The following CSMD1 variants were observed in gnomAD, a reference collection of about 807,000 sequenced individuals.
The protein encoded by CSMD1 is CUB and Sushi multiple domains 1.
CSMD1 carries 213 observed loss-of-function variants against 417.5 expected under a neutral mutation model. The observed-to-expected ratio is 0.51, with a 90% CI of 0.46 to 0.57. The LOEUF (loss-of-function observed/expected upper bound fraction) is 0.57. Ranked by LOEUF, CSMD1 falls within the 20% of genes least tolerant of loss-of-function variation. The pLI, the probability that CSMD1 is intolerant of heterozygous loss-of-function variation, is 0.00. For synonymous variants in CSMD1, 2,862 were observed against 1,736.8 expected (o/e 1.65, Z -16.11); for missense variants, 6,923 against 4,529.7 (o/e 1.53, Z -15.17).
intron 49 of CSMD1, among the ~76,000 whole-genome samples, chr8:3,072,654 C>A (rs886488499): frequency 2.0e-5 from 3 of 152,028 alleles, no homozygotes; most frequent in Admixed American, 6.6e-5. Context: ...TAATAGTATC[C>A]CAATTTTAAT....
intron 31 of CSMD1, among the ~76,000 whole-genome samples, chr8:3,202,184 T>C (rs1343969984): frequency 6.6e-6 from 1 of 152,108 alleles, no homozygotes. Context: ...AAAAAGAATA[T>C]CTGTAAAGAC....
chr8:4,719,113 C>A (rs1056112182), intron 1 of CSMD1, among the ~76,000 whole-genome samples: 2 of 151,996 alleles, frequency 1.3e-5, no homozygotes, highest in Non-Finnish European at 2.9e-5. Context: ...CAAAGAAGCT[C>A]TGAATGATGA....
At chr8:4,836,407 G>C (rs182622303) in intron 1 of CSMD1, among the ~76,000 whole-genome samples, 6 of 152,284 alleles carry the variant, frequency 3.9e-5, no homozygotes, top group African/African-American at 1.4e-4. Context: ...AGCTGGGATT[G>C]TTATCACCAG....
intron 10 of CSMD1, among the ~76,000 whole-genome samples, chr8:3,561,754 A>G (rs528926736): frequency 3.9e-5 from 6 of 152,320 alleles, no homozygotes; most frequent in African/African-American, 1.4e-4. Flanking sequence ...AACTGGACAT[A>G]TACCCGCTTT....
intron 5 of CSMD1, among the ~76,000 whole-genome samples, chr8:3,818,550 G>C (rs574342700): frequency 2.0e-4 from 31 of 152,250 alleles, no homozygotes; most frequent in Middle Eastern, 6.8e-3. Context: ...GAAGACAGGA[G>C]ACTAGCCAGC....
At chr8:3,511,920 A>C (rs919379965) in intron 10 of CSMD1, among the ~76,000 whole-genome samples, 3 of 144,760 alleles carry the variant, frequency 2.1e-5, no homozygotes, top group Non-Finnish European at 3.0e-5. Context: ...AAAAAAAAAA[A>C]CGGTTGTTAT....
chr8:4,008,036 G>C (rs140390209), intron 4 of CSMD1, among the ~76,000 whole-genome samples: 2 of 152,138 alleles, frequency 1.3e-5, no homozygotes, highest in South Asian at 2.1e-4. Context: ...TTTTTGCTTT[G>C]CTTGTTTTCA....
intron 26 of CSMD1, among the ~76,000 whole-genome samples, chr8:3,264,287 T>C (rs566685972): frequency 6.6e-6 from 1 of 152,356 alleles, no homozygotes; most frequent in South Asian, 2.1e-4. Context: ...AATTTCATTA[T>C]GTTATGGAAA....
chr8:3,672,438 G>C (rs1316811874), intron 7 of CSMD1, among the ~76,000 whole-genome samples: 7 of 152,168 alleles, frequency 4.6e-5, no homozygotes, highest in South Asian at 2.1e-4. Context: ...TGGTATCAGA[G>C]TGTGGGAGCT....
chr8:3,732,041 G>T (rs1010659259), intron 6 of CSMD1, among the ~76,000 whole-genome samples: 1 of 122,686 alleles, frequency 8.2e-6, no homozygotes, highest in Non-Finnish European at 2.0e-5. Context: ...ACATTTTTTA[G>T]ACAAAAAAAA....
At chr8:3,698,779 A>C (rs527444414) in intron 7 of CSMD1, among the ~76,000 whole-genome samples, 2 of 152,360 alleles carry the variant, frequency 1.3e-5, no homozygotes, top group African/African-American at 2.4e-5. Flanking sequence ...GGACTAATAG[A>C]GTGAAAATGT....
At chr8:4,954,669 A>G (rs1035878397) in intron 1 of CSMD1, among the ~76,000 whole-genome samples, 2 of 152,218 alleles carry the variant, frequency 1.3e-5, no homozygotes, top group African/African-American at 4.8e-5. Context: ...ATCTGAATTC[A>G]TGTGTGTGAA....
chr8:3,262,412 T>C lies in CSMD1; in HGVS notation c.4153+21732A>G, dbSNP rs552148086. 2.8e-3 allele frequency among the ~76,000 whole-genome samples: 429 copies of C among 151,380 alleles called. 6 individuals carry two copies. The highest frequency in any genetic ancestry group is 0.01 in the African/African-American group (416 of 41,254). ...CAGTATCCATTTTCAGCATCACCCATTGCTGGGGATAATGACCATTCTCTT... is the reference window on the plus strand; with the variant it reads ...CAGTATCCATTTTCAGCATCACCCACTGCTGGGGATAATGACCATTCTCTT... On this transcript the variant is annotated intron_variant, in intron 26 of 69. Coordinates refer to ENST00000635120, the MANE Select transcript of CSMD1 (RefSeq NM_033225.6).
chr8:4,395,499 C>G lies in CSMD1; in HGVS notation c.415+24454G>C, dbSNP rs1284375013. Among the ~76,000 whole-genome samples, 4 of 151,808 alleles carry G rather than the reference C, an allele frequency of 2.6e-5. No individual in the cohort carries two copies. In the East Asian group the frequency reaches 7.8e-4, roughly 29 times the overall value. On this transcript the variant is annotated intron_variant, in intron 3 of 69. Transcript: ENST00000635120. ...CGATGAAGAATACAAATCTCCACCC[C>G]TCACTCCCTACACCAGTTCCCCACC...
intron 3 of CSMD1, among the ~76,000 whole-genome samples, chr8:4,294,036 T>C (rs1797528634): frequency 6.6e-6 from 1 of 152,238 alleles, no homozygotes; most frequent in South Asian, 2.1e-4. Flanking sequence ...TTCTGTTCTT[T>C]ATTGCGTGGT....
intron 5 of CSMD1, among the ~76,000 whole-genome samples, chr8:3,827,508 G>C (rs1802122476): frequency 6.6e-6 from 1 of 152,116 alleles, no homozygotes; most frequent in Admixed American, 6.6e-5. Flanking sequence ...ATTCCTCTGT[G>C]ACATCTAGGT....
chr8:3,311,164 C>T (rs1161677621), intron 23 of CSMD1, among the ~76,000 whole-genome samples: 3 of 152,172 alleles, frequency 2.0e-5, no homozygotes, highest in Non-Finnish European at 4.4e-5. Context: ...TTACCTTGGC[C>T]TATAGTTGTG....
intron 5 of CSMD1, among the ~76,000 whole-genome samples, chr8:3,971,649 C>G (rs1813097818): frequency 6.6e-6 from 1 of 152,080 alleles, no homozygotes; most frequent in African/African-American, 2.4e-5. Context: ...CAAGACAATC[C>G]TGATCCGTGT....
intron 2 of CSMD1, among the ~76,000 whole-genome samples, chr8:4,628,255 G>C (rs1802238539): frequency 1.3e-5 from 2 of 150,648 alleles, no homozygotes; most frequent in South Asian, 2.1e-4. Flanking sequence ...ACTAATTCTT[G>C]GTCTTTCATA....
Sources: allele counts gnomAD v4.1 joint callset (sites outside exome capture counted in the v4.1 genomes callset), GRCh38; gene constraint gnomAD v4.1.1; transcripts MANE v1.5; gene names NCBI Gene and HGNC (gene_info 2026-07-23, HGNC 2026-07-21).